The following CSMD3 variants were observed in gnomAD, a reference collection of about 807,000 sequenced individuals.
CSMD3 encodes the protein CUB and sushi domain-containing protein 3.
Under a neutral mutation model 435.2 loss-of-function variants are expected in CSMD3, and 177 were observed. The ratio of observed to expected loss-of-function variants is 0.41; its 90% confidence interval spans 0.36 to 0.46. CSMD3 has a LOEUF of 0.46. Among genes scored for constraint, CSMD3 ranks in the 20% least tolerant of loss-of-function variants. The pLI is 0.34. For missense variants in CSMD3, 4,265 were observed against 4,504.6 expected, an observed-to-expected ratio of 0.95 and a Z score of 1.52; for synonymous variants, 1,656 against 1,520.5, an observed-to-expected ratio of 1.09 and a Z score of -2.07.
rs146613192 is a variant in CSMD3, at chr8:112,552,673, A to T, written c.4282T>A (p.Ser1428Thr). Residue 1428 changes from serine to threonine, a missense_variant, in exon 26 of 71, where the codon TCT becomes ACT. Ser to Thr is a moderately conservative substitution (Grantham distance 58). Transcript: ENST00000297405. The stretch of plus-strand genomic sequence containing the variant: ...TCATATGGAAAAGGATAGCCAGGAG[A>T]TAAGATTCTTCCTGATGATTCTCCT... ...FKGESSGRIL[S>T]PGYPFPYDNN... is the part of the protein sequence containing the mutation. 1.2e-6 allele frequency: 2 copies of T among 1,611,708 alleles called. No individual in the cohort carries two copies. The highest frequency in any genetic ancestry group is 2.7e-5 in the African/African-American group (2 of 74,824).
At chr8:112,678,597 G>T (rs950748188) in intron 16 of CSMD3, among the ~76,000 whole-genome samples, 1 of 152,018 alleles carries the variant, frequency 6.6e-6, no homozygotes, top group Admixed American at 6.6e-5. Flanking sequence ...TCTTTAAGTG[G>T]ATTGAGGTTC....
Position 112,336,741 on chromosome 8 carries a change from A to G in CSMD3, c.6930T>C (p.Phe2310=), listed in dbSNP as rs1824600733. Residue 2310 remains phenylalanine (F), a synonymous_variant, in exon 44 of 71, where the codon TTT becomes TTC. Coordinates refer to ENST00000297405, the MANE Select transcript of CSMD3 (RefSeq NM_198123.2). The stretch of plus-strand genomic sequence containing the variant: ...TCCCAGGGGGTACTCTTACAAGCCA[A>G]AAACAATCTTGAAAGTTTGGATATT... ...PDEYPNFQDC[F]WLVRVPPGNG... 1.2e-6 allele frequency: 2 copies of G among 1,613,220 alleles called. No homozygotes were observed. The highest frequency in any genetic ancestry group is 1.7e-5 in the Admixed American group (1 of 60,000).
At chr8:112,361,945 G>T (rs1034574818) in intron 38 of CSMD3, among the ~76,000 whole-genome samples, 4 of 151,554 alleles carry the variant, frequency 2.6e-5, no homozygotes, top group African/African-American at 9.7e-5. Flanking sequence ...CTAAATTGTG[G>T]ATACAAGACA....
Position 112,224,510 on chromosome 8 carries a change from G to T in CSMD3, c.*261C>A. 1 of 494,414 alleles carries T rather than the reference G, an allele frequency of 2.0e-6. No homozygotes were observed. 30.6% of individuals were successfully genotyped at this position (494,414 alleles called of 1,614,324 possible). On this transcript the variant is annotated 3_prime_UTR_variant, in exon 71 of 71. Transcript: ENST00000297405. ...TATATGCAAATAAGTTTATATTTTAGAATAATCTCCTTTTTAAAAAAAGCA... is the reference window on the plus strand; with the variant it reads ...TATATGCAAATAAGTTTATATTTTATAATAATCTCCTTTTTAAAAAAAGCA...
intron 38 of CSMD3, among the ~76,000 whole-genome samples, chr8:112,353,376 C>T (rs192925500): frequency 5.9e-5 from 9 of 151,706 alleles, no homozygotes; most frequent in South Asian, 2.1e-4. Context: ...GGTGACAGAG[C>T]GAGACTTCAT....
At chr8:112,331,919 A>G (rs1246717933) in intron 45 of CSMD3, among the ~76,000 whole-genome samples, 1 of 152,046 alleles carries the variant, frequency 6.6e-6, no homozygotes, top group Non-Finnish European at 1.5e-5. Flanking sequence ...TCCTTATGAC[A>G]TTGAGCTTAT....
intron 23 of CSMD3, among the ~76,000 whole-genome samples, chr8:112,575,492 A>C (rs1225757292): frequency 6.6e-6 from 1 of 152,078 alleles, no homozygotes; most frequent in African/African-American, 2.4e-5. Context: ...TTTTTAAAAA[A>C]TGTACATTCA....
intron 7 of CSMD3, among the ~76,000 whole-genome samples, chr8:112,955,058 T>G (rs571930529): frequency 4.5e-4 from 68 of 151,738 alleles, no homozygotes; most frequent in Non-Finnish European, 7.3e-4. Context: ...CTTAGCAGTT[T>G]ATGATAAACC....
intron 11 of CSMD3, among the ~76,000 whole-genome samples, chr8:112,832,465 A>C (rs1383749090): frequency 6.6e-6 from 1 of 152,214 alleles, no homozygotes; most frequent in African/African-American, 2.4e-5. Context: ...CTTTAAAAGA[A>C]GGTCCAGAAA....
chr8:112,758,721 C>G (rs1172405874), intron 13 of CSMD3, among the ~76,000 whole-genome samples: 2 of 152,068 alleles, frequency 1.3e-5, no homozygotes, highest in East Asian at 1.9e-4. Context: ...ATATGCTAAA[C>G]AGAAAATAAT....
At chr8:113,013,790 T>G (rs1285477098) in intron 6 of CSMD3, among the ~76,000 whole-genome samples, 1 of 152,140 alleles carries the variant, frequency 6.6e-6, no homozygotes, top group Non-Finnish European at 1.5e-5. Flanking sequence ...CAGTATCCAT[T>G]CTGCCCTCAT....
At chr8:113,134,968 C>T (rs2091378655) in intron 4 of CSMD3, among the ~76,000 whole-genome samples, 1 of 151,992 alleles carries the variant, frequency 6.6e-6, no homozygotes, top group South Asian at 2.1e-4. Flanking sequence ...TAACAACTCA[C>T]TCCCTAAGAA....
chr8:113,290,212 TAAGAA>T (rs1363864445), intron 2 of CSMD3, among the ~76,000 whole-genome samples: 1 of 151,652 alleles, frequency 6.6e-6, no homozygotes, highest in Non-Finnish European at 1.5e-5. Flanking sequence ...AAAAATATAT[TAAGAA>T]GAGATACATT....
chr8:113,023,244 T>A (rs1319785957), intron 5 of CSMD3, among the ~76,000 whole-genome samples: 1 of 152,062 alleles, frequency 6.6e-6, no homozygotes, highest in Non-Finnish European at 1.5e-5. Flanking sequence ...AAAAAAATCT[T>A]CCCAATTCCC....
chr8:112,853,385 C>T (rs1254750950), intron 11 of CSMD3, among the ~76,000 whole-genome samples: 1 of 152,128 alleles, frequency 6.6e-6, no homozygotes, highest in African/African-American at 2.4e-5. Context: ...GCCATCATGC[C>T]TGGCTAATTT....
chr8:113,193,391 A>G (rs1329474742), intron 3 of CSMD3, among the ~76,000 whole-genome samples: 1 of 151,328 alleles, frequency 6.6e-6, no homozygotes, highest in East Asian at 1.9e-4. Flanking sequence ...CCTCTTTTAG[A>G]GGTTCTTAAT....
chr8:113,195,695 T>C (rs1424436677), intron 3 of CSMD3, among the ~76,000 whole-genome samples: 2 of 149,410 alleles, frequency 1.3e-5, no homozygotes. Flanking sequence ...GTTACATAAA[T>C]ATATAGATAG....
At chr8:112,764,251 C>T (rs1181067914) in intron 13 of CSMD3, among the ~76,000 whole-genome samples, 1 of 151,332 alleles carries the variant, frequency 6.6e-6, no homozygotes, top group Non-Finnish European at 1.5e-5. Flanking sequence ...GTGGAGGGAA[C>T]AGCATTTTCA....
intron 17 of CSMD3, 117 bp downstream of exon 17, chr8:112,666,160 G>A: frequency 2.4e-6 from 2 of 841,546 alleles, no homozygotes; most frequent in South Asian, 1.5e-5. Context: ...AGCATTCAAA[G>A]CACAGCAATT....
Sources: gnomAD v4.1 joint callset for allele counts (sites outside exome capture counted in the v4.1 genomes callset) on GRCh38, gnomAD v4.1.1 for gene constraint, MANE v1.5 for transcripts, NCBI Gene and HGNC (gene_info 2026-07-23, HGNC 2026-07-21) for gene names.